The following CCDC91 variants were observed in gnomAD, a reference collection of about 807,000 sequenced individuals.
CCDC91 encodes the protein coiled-coil domain containing 91.
CCDC91 carries 48 observed loss-of-function variants against 63.2 expected under a neutral mutation model. The ratio of observed to expected loss-of-function variants is 0.76; its 90% confidence interval spans 0.60 to 0.97. The LOEUF (loss-of-function observed/expected upper bound fraction) is 0.97. Ranked by LOEUF, CCDC91 falls within the 50% of genes least tolerant of loss-of-function variation. CCDC91 has a pLI of 0.00. For synonymous variants in CCDC91, 167 were observed against 165.8 expected (o/e 1.01, Z -0.06); for missense variants, 500 against 494.6 (o/e 1.01, Z -0.10).
chr12:28,397,399 A>G (rs1395271287), intron 8 of CCDC91, among the ~76,000 whole-genome samples: 2 of 152,210 alleles, frequency 1.3e-5, no homozygotes, highest in African/African-American at 2.4e-5. Context: ...AGAGGGACCT[A>G]TGAAGTGGAA....
intron 12 of CCDC91, among the ~76,000 whole-genome samples, chr12:28,514,993 A>G (rs1227045187): frequency 6.6e-6 from 1 of 151,790 alleles, no homozygotes; most frequent in Admixed American, 6.6e-5. Context: ...TGTAACAAAT[A>G]TGCACATAGA....
intron 3 of CCDC91, among the ~76,000 whole-genome samples, chr12:28,275,944 A>G (rs931364457): frequency 2.0e-5 from 3 of 152,250 alleles, no homozygotes; most frequent in Admixed American, 6.6e-5. Context: ...AAAACTCTCA[A>G]TAAATTAGGT....
intron 6 of CCDC91, among the ~76,000 whole-genome samples, chr12:28,334,245 G>C (rs1941753526): frequency 6.6e-6 from 1 of 152,106 alleles, no homozygotes; most frequent in Non-Finnish European, 1.5e-5. Context: ...TGGATATCTG[G>C]TGTGGGAGTT....
chr12:28,267,578 C>G (rs1033780628), intron 3 of CCDC91, among the ~76,000 whole-genome samples: 1 of 144,350 alleles, frequency 6.9e-6, no homozygotes, highest in Non-Finnish European at 1.5e-5. Context: ...AAACATAGAA[C>G]AAGACATGCT....
intron 1 of CCDC91, among the ~76,000 whole-genome samples, chr12:28,228,177 C>T (rs1565640020): frequency 6.6e-6 from 1 of 152,008 alleles, no homozygotes; most frequent in Non-Finnish European, 1.5e-5. Context: ...TTTTGGTTTG[C>T]CATACTATGT....
intron 1 of CCDC91, among the ~76,000 whole-genome samples, chr12:28,249,250 G>A (rs952325275): frequency 1.3e-5 from 2 of 152,162 alleles, no homozygotes; most frequent in African/African-American, 4.8e-5. Flanking sequence ...TGAATTTTAT[G>A]TGATTTTGTT....
At chr12:28,308,641 C>G (rs542352241) in intron 6 of CCDC91, among the ~76,000 whole-genome samples, 1 of 152,098 alleles carries the variant, frequency 6.6e-6, no homozygotes, top group African/African-American at 2.4e-5. Context: ...CAGATTCCCT[C>G]AGATACCTGC....
chr12:28,476,649 A>G (rs1237785004), intron 11 of CCDC91, among the ~76,000 whole-genome samples: 1 of 152,184 alleles, frequency 6.6e-6, no homozygotes, highest in African/African-American at 2.4e-5. Context: ...TAGAAACACA[A>G]AAAACCCTTC....
At chr12:28,536,265 A>G in intron 12 of CCDC91, among the ~76,000 whole-genome samples, 1 of 152,200 alleles carries the variant, frequency 6.6e-6, no homozygotes, top group Non-Finnish European at 1.5e-5. Flanking sequence ...TAGATTCCAC[A>G]GTTATGACAT....
Position 28,297,699 on chromosome 12 carries a change from T to G in CCDC91, c.110-7950T>G, listed in dbSNP as rs1949639893. ...TAGGTGTTGTTGGGCACACCTGATT[T>G]CCTGCATTTAAAGATTTTGGGCATG... On this transcript the variant is annotated intron_variant, in intron 3 of 12. Coordinates refer to ENST00000536442, the MANE Select transcript of CCDC91 (RefSeq NM_018318.5). Among the ~76,000 whole-genome samples the G allele has an allele frequency of 2.6e-5, 4 of 151,838 alleles. No individual in the cohort carries two copies. In the South Asian group the frequency reaches 8.3e-4, roughly 31 times the overall value.
chr12:28,469,655 A>G (rs558441106), intron 11 of CCDC91, among the ~76,000 whole-genome samples: 15 of 152,206 alleles, frequency 9.9e-5, no homozygotes, highest in African/African-American at 3.6e-4. Context: ...AAGAACAAAA[A>G]TTGGAGAAAT....
Position 28,548,946 on chromosome 12 carries a change from C to T in CCDC91, c.1216-117C>T, listed in dbSNP as rs560148091. 4.7e-5 allele frequency: 30 copies of T among 633,982 alleles called. No individual in the cohort carries two copies. In the South Asian group the frequency reaches 6.0e-4, roughly 13 times the overall value. 39.3% of individuals were successfully genotyped at this position (633,982 alleles called of 1,614,324 possible). A position where few individuals can be genotyped will look rare whatever the true frequency, so the allele number is the denominator to read the frequency against. The stretch of plus-strand genomic sequence containing the variant: ...TTCAGTTGAAAGTACTATTTGATTT[C>T]CTAAATTGTCTCATCTGGAAAGTTT... On this transcript the variant is annotated intron_variant, in intron 12 of 12. Transcript: ENST00000536442.
At chr12:28,525,814 C>T (rs188366062) in intron 12 of CCDC91, among the ~76,000 whole-genome samples, 21 of 152,038 alleles carry the variant, frequency 1.4e-4, no homozygotes, top group South Asian at 4.2e-4. Context: ...TCTGATACTT[C>T]CCTGTTGGAC....
intron 6 of CCDC91, among the ~76,000 whole-genome samples, chr12:28,361,225 C>G (rs1943858231): frequency 6.6e-6 from 1 of 151,514 alleles, no homozygotes; most frequent in Non-Finnish European, 1.5e-5. Context: ...TACATGTGCA[C>G]AATGTGCAGG....
At chr12:28,226,635 T>C (rs1385817551) in intron 1 of CCDC91, among the ~76,000 whole-genome samples, 2 of 152,176 alleles carry the variant, frequency 1.3e-5, no homozygotes, top group East Asian at 1.9e-4. Context: ...TTTATTAACA[T>C]TTTACATTAT....
intron 3 of CCDC91, among the ~76,000 whole-genome samples, chr12:28,262,994 A>G (rs1946924568): frequency 6.6e-6 from 1 of 152,090 alleles, no homozygotes; most frequent in South Asian, 2.1e-4. Context: ...GAAGCCTGTA[A>G]GCCAAACTGT....
At chr12:28,196,551 C>T (rs772561495) in intron 1 of CCDC91, among the ~76,000 whole-genome samples, 2 of 152,306 alleles carry the variant, frequency 1.3e-5, no homozygotes, top group Non-Finnish European at 2.9e-5. Flanking sequence ...AGAAGGTATA[C>T]AGTCTTTTAC....
intron 3 of CCDC91, among the ~76,000 whole-genome samples, chr12:28,263,278 C>T (rs750777697): frequency 7.9e-5 from 12 of 151,896 alleles, no homozygotes; most frequent in Non-Finnish European, 1.6e-4. Flanking sequence ...AATTTACCAT[C>T]TTAACTATTT....
chr12:28,545,772 T>C (rs1184928681), intron 12 of CCDC91, among the ~76,000 whole-genome samples: 1 of 152,062 alleles, frequency 6.6e-6, no homozygotes, highest in Non-Finnish European at 1.5e-5. Flanking sequence ...TATCAAACTT[T>C]TTTTGTCCTT....
Sources: allele counts gnomAD v4.1 joint callset (sites outside exome capture counted in the v4.1 genomes callset), GRCh38; gene constraint gnomAD v4.1.1; transcripts MANE v1.5; gene names NCBI Gene and HGNC (gene_info 2026-07-23, HGNC 2026-07-21).